SLC35F3: variants seen among roughly 807,000 people sequenced by gnomAD.
SLC35F3 encodes putative thiamine transporter SLC35F3.
Under a neutral mutation model 49.9 loss-of-function variants are expected in SLC35F3, and 25 were observed. The ratio of observed to expected loss-of-function variants is 0.50; its 90% confidence interval spans 0.37 to 0.70. The LOEUF is 0.70. Among genes scored for constraint, SLC35F3 ranks in the 30% least tolerant of loss-of-function variants. The probability of loss-of-function intolerance (pLI) is 0.00; values close to 1 mark genes in which losing one functional copy is unlikely to be tolerated. For missense variants in SLC35F3, 525 were observed against 639.8 expected, an observed-to-expected ratio of 0.82 and a Z score of 1.94; for synonymous variants, 275 against 265.4, an observed-to-expected ratio of 1.04 and a Z score of -0.35.
At chr1:234,191,908 G>A (rs1199799050) in intron 2 of SLC35F3, among the ~76,000 whole-genome samples, 1 of 151,672 alleles carries the variant, frequency 6.6e-6, no homozygotes, top group Non-Finnish European at 1.5e-5. Context: ...AAGTCAGGAA[G>A]AATTAGAAAC....
intron 3 of SLC35F3, among the ~76,000 whole-genome samples, chr1:234,233,607 A>T (rs1667418114): frequency 6.6e-6 from 1 of 152,242 alleles, no homozygotes; most frequent in Admixed American, 6.5e-5. Flanking sequence ...CAATGTAGGA[A>T]AAAATGGAAG....
At chr1:233,945,308 A>G (rs774503056) in intron 2 of SLC35F3, among the ~76,000 whole-genome samples, 1 of 152,130 alleles carries the variant, frequency 6.6e-6, no homozygotes, top group Non-Finnish European at 1.5e-5. Context: ...AGTCCCCAGT[A>G]TGCCTCCAAT....
intron 2 of SLC35F3, among the ~76,000 whole-genome samples, chr1:234,207,736 T>C (rs1666995384): frequency 6.6e-6 from 1 of 152,142 alleles, no homozygotes. Context: ...GGCATGGTGG[T>C]CATGCCTATA....
At chr1:234,010,044 A>T (rs758328280) in intron 2 of SLC35F3, among the ~76,000 whole-genome samples, 15 of 152,222 alleles carry the variant, frequency 9.9e-5, no homozygotes, top group Non-Finnish European at 1.5e-4. Context: ...ATAAAACTTG[A>T]TGGTATAAGT....
rs182622327 is a variant in SLC35F3 at position 233,928,741 on chromosome 1, C to T, written c.283+22983C>T. Among the ~76,000 whole-genome samples, 36 of 152,134 alleles carry T rather than the reference C, an allele frequency of 2.4e-4. No homozygotes were observed. In the East Asian group the frequency reaches 6.8e-3, roughly 29 times the overall value. On this transcript the variant is annotated intron_variant, in intron 2 of 7. Transcript: ENST00000366618. Reference sequence around the variant, plus strand: ...CTTATGAAAGGGGTTCATTATAGGGCCCTTTCAAAAGGAGAGCTTCTCTGA... The same window carrying T: ...CTTATGAAAGGGGTTCATTATAGGGTCCTTTCAAAAGGAGAGCTTCTCTGA...
chr1:234,167,036 A>C (rs1000703233), intron 2 of SLC35F3, among the ~76,000 whole-genome samples: 1 of 152,194 alleles, frequency 6.6e-6, no homozygotes, highest in East Asian at 1.9e-4. Flanking sequence ...TGGGTCACTT[A>C]GGTTTTGCCC....
chr1:234,022,874 G>A (rs1052307995), intron 2 of SLC35F3, among the ~76,000 whole-genome samples: 1 of 152,074 alleles, frequency 6.6e-6, no homozygotes, highest in Non-Finnish European at 1.5e-5. Context: ...TGCCAATCCT[G>A]CCTCTGACCA....
chr1:234,290,411 T>G (rs1390367076), intron 3 of SLC35F3, among the ~76,000 whole-genome samples: 1 of 152,200 alleles, frequency 6.6e-6, no homozygotes, highest in Admixed American at 6.5e-5. Context: ...TGAGACATAT[T>G]GTAAGTCTCA....
At chr1:234,312,547 C>G (rs1657381975) in intron 4 of SLC35F3, among the ~76,000 whole-genome samples, 1 of 152,172 alleles carries the variant, frequency 6.6e-6, no homozygotes. Flanking sequence ...CTGAGCCCAG[C>G]ATGGGGGAAG....
At chr1:233,909,596 C>G (rs1661837943) in intron 2 of SLC35F3, among the ~76,000 whole-genome samples, 1 of 152,258 alleles carries the variant, frequency 6.6e-6, no homozygotes, top group Non-Finnish European at 1.5e-5. Flanking sequence ...GAACCACAGA[C>G]TGGACCAGAA....
chr1:234,265,967 C>T (rs1448161698), intron 3 of SLC35F3, among the ~76,000 whole-genome samples: 2 of 152,202 alleles, frequency 1.3e-5, no homozygotes, highest in Non-Finnish European at 2.9e-5. Flanking sequence ...CTGTTCAGGC[C>T]TTTGCTCAAA....
intron 2 of SLC35F3, among the ~76,000 whole-genome samples, chr1:234,141,047 G>A (rs1665907309): frequency 6.6e-6 from 1 of 152,146 alleles, no homozygotes; most frequent in Non-Finnish European, 1.5e-5. Flanking sequence ...TCTAATTATG[G>A]AGCGACCATG....
chr1:234,102,405 G>C (rs1665227180), intron 2 of SLC35F3, among the ~76,000 whole-genome samples: 1 of 152,146 alleles, frequency 6.6e-6, no homozygotes. Flanking sequence ...AGAAAAGTGA[G>C]TTTGAGAAAT....
At chr1:233,956,124 G>A (rs1176602550) in intron 2 of SLC35F3, among the ~76,000 whole-genome samples, 2 of 152,030 alleles carry the variant, frequency 1.3e-5, no homozygotes. Context: ...CTGACCTCAG[G>A]TGATCCTCCC....
intron 3 of SLC35F3, among the ~76,000 whole-genome samples, chr1:234,248,805 G>A (rs765934271): frequency 6.6e-6 from 1 of 152,124 alleles, no homozygotes; most frequent in Admixed American, 6.5e-5. Flanking sequence ...GTTCCTTGTT[G>A]CCACTTAGGT....
chr1:234,083,042 G>A (rs528413795), intron 2 of SLC35F3, among the ~76,000 whole-genome samples: 24 of 152,250 alleles, frequency 1.6e-4, no homozygotes, highest in Non-Finnish European at 3.1e-4. Context: ...TCAATTACCT[G>A]TTATACTGGA....
chr1:234,202,946 C>A (rs565326784), intron 2 of SLC35F3, among the ~76,000 whole-genome samples: 99 of 152,280 alleles, frequency 6.5e-4, no homozygotes, highest in African/African-American at 2.3e-3. Flanking sequence ...GAGAGGGGCA[C>A]CTGGGTGGAA....
chr1:233,969,359 G>T (rs1414739084), intron 2 of SLC35F3, among the ~76,000 whole-genome samples: 2 of 152,214 alleles, frequency 1.3e-5, no homozygotes, highest in Non-Finnish European at 2.9e-5. Flanking sequence ...CTGACATGGT[G>T]TGATCATCAG....
chr1:234,127,770 A>T (rs1004159903), intron 2 of SLC35F3, among the ~76,000 whole-genome samples: 1 of 152,224 alleles, frequency 6.6e-6, no homozygotes, highest in Admixed American at 6.5e-5. Context: ...TTACATTAGA[A>T]TAGATTTATA....
Sources: allele counts gnomAD v4.1 joint callset (sites outside exome capture counted in the v4.1 genomes callset), GRCh38; gene constraint gnomAD v4.1.1; transcripts MANE v1.5; gene names NCBI Gene and HGNC (gene_info 2026-07-23, HGNC 2026-07-21).